The following APAF1 variants were observed in gnomAD, a reference collection of about 807,000 sequenced individuals.
APAF1 encodes the protein apoptotic peptidase activating factor 1, also known as apoptotic protease-activating factor 1.
In APAF1, 91 loss-of-function variants were observed where a neutral mutation model predicts 152.4. The observed-to-expected ratio is 0.60, with a 90% CI of 0.50 to 0.71. The LOEUF (loss-of-function observed/expected upper bound fraction) is 0.71. APAF1 is among the 30% of genes least tolerant of loss of function. The pLI, the probability that APAF1 is intolerant of heterozygous loss-of-function variation, is 0.00. For synonymous variants in APAF1, 484 were observed against 494.1 expected (o/e 0.98, Z 0.27); for missense variants, 1,283 against 1,472.0 (o/e 0.87, Z 2.10).
intron 2 of APAF1, 43 bp downstream of exon 2, chr12:98,648,540 A>C: frequency 6.2e-7 from 1 of 1,609,206 alleles, no homozygotes; most frequent in East Asian, 2.2e-5. Context: ...AAAAATTTTT[A>C]GAATTTCAGA....
At chr12:98,725,676 C>A (rs1303321158) in intron 25 of APAF1, 136 bp downstream of exon 25, 3 of 1,204,340 alleles carry the variant, frequency 2.5e-6, no homozygotes, top group Non-Finnish European at 3.7e-6. Flanking sequence ...CTTTTTGTTT[C>A]TTGTGCACAT....
Position 98,703,556 on chromosome 12 carries a change from G to C in APAF1, c.2595+57G>C. 7 of 1,608,518 alleles carry C rather than the reference G, an allele frequency of 4.4e-6. No homozygotes were observed. The South Asian group carries it at 7.7e-5, about 18-fold the overall frequency. ...GGTTTCCAGAGATCAAAGGATGACA[G>C]AGAATGGGCAGCTTAAACCATTAAC... On this transcript the variant is annotated intron_variant, in intron 18 of 26. Coordinates refer to ENST00000551964, the MANE Select transcript of APAF1 (RefSeq NM_181861.2).
At chr12:98,667,978 G>T (rs772740859) in intron 10 of APAF1, among the ~76,000 whole-genome samples, 7 of 151,904 alleles carry the variant, frequency 4.6e-5, no homozygotes, top group East Asian at 3.9e-4. Context: ...TCACTATGTT[G>T]CTCAGGCTGG....
At chr12:98,660,421 G>A (rs1374472917) in intron 5 of APAF1, among the ~76,000 whole-genome samples, 3 of 151,954 alleles carry the variant, frequency 2.0e-5, no homozygotes, top group Admixed American at 6.6e-5. Flanking sequence ...AGAAATATAC[G>A]TGTAACTCTT....
chr12:98,680,307 C>G lies in APAF1; in HGVS notation c.1951C>G (p.Leu651Val), dbSNP rs995082570. Residue 651 changes from leucine (L) to valine (V), a missense_variant, in exon 14 of 27, where the codon CTA becomes GTA. Coordinates refer to ENST00000551964, the MANE Select transcript of APAF1 (RefSeq NM_181861.2). ...VFKAETGEKL[L>V]EIKAHEDEVL... ...CAAAGCTGAAACAGGAGAGAAACTT[C>G]TAGAAATCAAGGCTCATGAGGATGA... 1.9e-5 allele frequency: 31 copies of G among 1,611,682 alleles called. No homozygotes were observed. The highest frequency in any genetic ancestry group is 4.0e-5 in the African/African-American group (3 of 74,910).
chr12:98,691,975 C>G (rs1267931119), intron 16 of APAF1, among the ~76,000 whole-genome samples: 2 of 152,172 alleles, frequency 1.3e-5, no homozygotes, highest in African/African-American at 4.8e-5. Flanking sequence ...TTCTTCATTC[C>G]TAACTTCCTG....
chr12:98,679,250 C>T (rs377486420), intron 13 of APAF1, among the ~76,000 whole-genome samples: 11 of 152,160 alleles, frequency 7.2e-5, no homozygotes, highest in African/African-American at 2.7e-4. Context: ...CTAGTGCCCC[C>T]TCTTTGCTGA....
chr12:98,666,277 C>T lies in APAF1; in HGVS notation c.1282C>T (p.Arg428Trp). 1 of 1,613,548 alleles carries T rather than the reference C, an allele frequency of 6.2e-7. No individual in the cohort carries two copies. Among genetic ancestry groups the T allele is most frequent in the Non-Finnish European group, 8.5e-7 (1 of 1,179,760 alleles). ...AAATAAGTCTCTTTTATTCTGTGAT[C>T]GGAATGGAAAGTCGTTTCGTTATTA... The part of the protein sequence containing the change: ...FVNKSLLFCD[R>W]NGKSFRYYLH... Residue 428 changes from arginine (R) to tryptophan (W), a missense_variant, in exon 9 of 27, where the codon CGG becomes TGG. Transcript: ENST00000551964.
intron 5 of APAF1, among the ~76,000 whole-genome samples, chr12:98,661,035 G>A (rs1473495990): frequency 6.6e-6 from 1 of 152,178 alleles, no homozygotes; most frequent in African/African-American, 2.4e-5. Flanking sequence ...CCTAGTAGCT[G>A]GGACTACAGG....
intron 16 of APAF1, among the ~76,000 whole-genome samples, chr12:98,693,170 A>AT (rs924319801): frequency 1.7e-4 from 25 of 150,418 alleles, no homozygotes; most frequent in African/African-American, 6.1e-4. Context: ...TGGGTATTTT[A>AT]TTTTTTTGTG....
intron 10 of APAF1, 195 bp from the exon 11 acceptor site, chr12:98,670,778 G>A: frequency 2.4e-6 from 1 of 418,724 alleles, no homozygotes; most frequent in Non-Finnish European, 4.3e-6. Context: ...ACCAACTGGA[G>A]TTTATTTGGA....
chr12:98,678,333 C>G (rs1381747370), intron 13 of APAF1, among the ~76,000 whole-genome samples: 1 of 152,250 alleles, frequency 6.6e-6, no homozygotes, highest in East Asian at 1.9e-4. Context: ...TGCCATCATG[C>G]TGGCTGCAGC....
chr12:98,649,698 T>C lies in APAF1; in HGVS notation c.526+14T>C. On this transcript the variant is annotated intron_variant, in intron 4 of 26. Coordinates refer to ENST00000551964, the MANE Select transcript of APAF1 (RefSeq NM_181861.2). ...CCCTTTTAGAAGGTAAGTGTCTTAGTCCATTTCATAGTCTAGTAAGGTAGA... is the reference window on the plus strand; with the variant it reads ...CCCTTTTAGAAGGTAAGTGTCTTAGCCCATTTCATAGTCTAGTAAGGTAGA... 6.2e-7 allele frequency: 1 copy of C among 1,610,392 alleles called. No homozygotes were observed. The highest frequency in any genetic ancestry group is 1.7e-4 in the Middle Eastern group (1 of 6,020).
At position 98,686,801 on chromosome 12, in the gene APAF1, TTCAG is replaced by T. The variant is rs1374433704; in HGVS notation, c.2236_2239del (p.Val746IlefsTer21). 3 of 1,613,958 alleles carry T rather than the reference TTCAG, an allele frequency of 1.9e-6. No homozygotes were observed. Among genetic ancestry groups the T allele is most frequent in the Admixed American group, 1.7e-5 (1 of 60,026 alleles). Reference sequence around the variant, plus strand: ...GAAATACCATGTTTGGTCATACAAATTCAGTCAATCACTGCAGATTTTCACCAGA... The same window carrying T: ...GAAATACCATGTTTGGTCATACAAATTCAATCACTGCAGATTTTCACCAGA... On this transcript the variant is annotated frameshift_variant, in exon 16 of 27. Coordinates refer to ENST00000551964, the MANE Select transcript of APAF1 (RefSeq NM_181861.2). LOFTEE classifies it high-confidence loss of function.
At chr12:98,647,648 G>T (rs894073134) in intron 1 of APAF1, among the ~76,000 whole-genome samples, 6 of 151,202 alleles carry the variant, frequency 4.0e-5, no homozygotes, top group African/African-American at 1.5e-4. Flanking sequence ...GGGATTACAG[G>T]CATGAGCCAC....
intron 5 of APAF1, among the ~76,000 whole-genome samples, 175 bp downstream of exon 5, chr12:98,659,518 G>A (rs1351242297): frequency 3.3e-5 from 5 of 151,514 alleles, no homozygotes; most frequent in African/African-American, 9.7e-5. Context: ...TTGGGAGGCC[G>A]AGGCTGTTGG....
chr12:98,732,324 T>TG lies in APAF1; in HGVS notation c.3601-90dup, dbSNP rs1221186597. 1.8e-5 allele frequency: 20 copies of TG among 1,096,066 alleles called. No homozygotes were observed. In the African/African-American group the frequency reaches 2.2e-4, roughly 12 times the overall value. 67.9% of individuals were successfully genotyped at this position (1,096,066 alleles called of 1,614,324 possible). A position where few individuals can be genotyped will look rare whatever the true frequency, so the allele number is the denominator to read the frequency against. On this transcript the variant is annotated intron_variant, in intron 26 of 26. Transcript: ENST00000551964. ...TTCCTCCTGTTTGCTTGAGTTCGGT[T>TG]GGGGGGAGGAGATAGGGTAAAGGAT...
Position 98,677,479 on chromosome 12 carries a change from T to A in APAF1, c.1848T>A (p.Asp616Glu). The A allele has an allele frequency of 6.2e-7, 1 of 1,614,178 alleles. No homozygotes were observed. Among genetic ancestry groups the A allele is most frequent in the Non-Finnish European group, 8.5e-7 (1 of 1,180,030 alleles). Residue 616 changes from aspartate to glutamate, a missense_variant, in exon 13 of 27, where the codon GAT becomes GAA. Coordinates refer to ENST00000551964, the MANE Select transcript of APAF1 (RefSeq NM_181861.2). ...GCTTAGTTGTCCGCCCCCACACAGA[T>A]GCTGTTTACCATGCCTGCTTTTCTG... Reference protein sequence around the residue: ...LSRLVVRPHTDAVYHACFSED... With the variant: ...LSRLVVRPHTEAVYHACFSED...
At chr12:98,693,370 A>G (rs1020920802) in intron 16 of APAF1, among the ~76,000 whole-genome samples, 9 of 152,092 alleles carry the variant, frequency 5.9e-5, no homozygotes, top group Admixed American at 5.9e-4. Flanking sequence ...CTGGGCTTAC[A>G]AGCATGAACC....
Sources: allele counts gnomAD v4.1 joint callset (sites outside exome capture counted in the v4.1 genomes callset), GRCh38; gene constraint gnomAD v4.1.1; transcripts MANE v1.5; gene names NCBI Gene and HGNC (gene_info 2026-07-23, HGNC 2026-07-21).